Variants in HERC4 observed in about 807,000 individuals in gnomAD.
HERC4 encodes probable E3 ubiquitin-protein ligase HERC4.
Under a neutral mutation model 124.3 loss-of-function variants are expected in HERC4, and 28 were observed. That is an observed-to-expected ratio of 0.23 (90% CI 0.17 to 0.31). The LOEUF (loss-of-function observed/expected upper bound fraction) is 0.31, where lower values mean the gene tolerates loss of function less well. Among genes scored for constraint, HERC4 ranks in the 10% least tolerant of loss-of-function variants. The pLI, the probability that HERC4 is intolerant of heterozygous loss-of-function variation, is 1.00. For synonymous variants in HERC4, 407 were observed against 421.5 expected (o/e 0.97, Z 0.42); for missense variants, 713 against 1,229.3 (o/e 0.58, Z 6.28).
intron 3 of HERC4, among the ~76,000 whole-genome samples, chr10:68,051,478 G>A (rs1403660988): frequency 6.6e-6 from 1 of 150,542 alleles, no homozygotes; most frequent in African/African-American, 2.4e-5. Flanking sequence ...CTGAGTAGCT[G>A]GGACTACAAG....
At position 67,946,130 on chromosome 10, in the gene HERC4, A is replaced by G. The variant is rs1371616771; in HGVS notation, c.2338-5025T>C. Reference sequence around the variant, plus strand: ...TGGCCAGGCATGGTGGCACGTGCCTATAGTCCTAGCTGCTTGGTGGCTGAA... The same window carrying G: ...TGGCCAGGCATGGTGGCACGTGCCTGTAGTCCTAGCTGCTTGGTGGCTGAA... On this transcript the variant is annotated intron_variant, in intron 19 of 24. Transcript: ENST00000373700. Among the ~76,000 whole-genome samples, 4 of 151,662 alleles carry G rather than the reference A, an allele frequency of 2.6e-5. No homozygotes were observed. In the South Asian group the frequency reaches 8.3e-4, roughly 32 times the overall value.
chr10:67,923,059 C>T lies in HERC4; in HGVS notation c.3022G>A (p.Glu1008Lys). 6.2e-7 allele frequency: 1 copy of T among 1,613,722 alleles called. No homozygotes were observed. ...KLVIQSTGGG[E>K]EYLPVSHTCF... Reference sequence around the variant, plus strand: ...GTATGGGAAACTGGGAGATACTCCTCACCACCTCCTGTGGACTGGATGACT... The same window carrying T: ...GTATGGGAAACTGGGAGATACTCCTTACCACCTCCTGTGGACTGGATGACT... The change falls in exon 25 of 25, where the codon GAG (glutamate) becomes AAG (lysine). Residue 1008 changes from glutamate (E) to lysine (K), a missense_variant. Glu to Lys is a moderately conservative substitution (Grantham distance 56). Transcript: ENST00000373700.
intron 7 of HERC4, among the ~76,000 whole-genome samples, chr10:68,025,940 T>C (rs1162968858): frequency 6.6e-6 from 1 of 152,200 alleles, no homozygotes; most frequent in East Asian, 1.9e-4. Flanking sequence ...CCTTTCATTA[T>C]CATTATACTG....
At chr10:67,947,677 T>A (rs979456816) in intron 19 of HERC4, among the ~76,000 whole-genome samples, 1 of 152,118 alleles carries the variant, frequency 6.6e-6, no homozygotes, top group African/African-American at 2.4e-5. Context: ...ACATGGAACA[T>A]CTTCTAGGAT....
In HERC4 at chr10:68,073,019, G is replaced by C. The variant is rs1310649884; in HGVS notation, c.90C>G (p.Phe30Leu). 1 of 1,613,780 alleles carries C rather than the reference G, an allele frequency of 6.2e-7. No homozygotes were observed. Among genetic ancestry groups the C allele is most frequent in the African/African-American group, 1.3e-5 (1 of 74,860 alleles). The part of the protein sequence containing the change: ...EIVLEPRKSD[F>L]FINKRVRDVG... The stretch of plus-strand genomic sequence containing the variant: ...CATCTCGGACCCTTTTATTTATAAA[G>C]AAGTCACTTTTTCTGGGCTCTAGTA... The change falls in exon 3 of 25, where the codon TTC (phenylalanine) becomes TTG (leucine). Residue 30 changes from phenylalanine (F) to leucine (L), a missense_variant. Phe to Leu is a conservative substitution (Grantham distance 22, BLOSUM62 0). Coordinates refer to ENST00000373700, the MANE Select transcript of HERC4 (RefSeq NM_015601.4).
At chr10:67,951,272 C>T (rs2132263952) in intron 19 of HERC4, among the ~76,000 whole-genome samples, 1 of 152,298 alleles carries the variant, frequency 6.6e-6, no homozygotes, top group Non-Finnish European at 1.5e-5. Flanking sequence ...ACAAACTTCC[C>T]TATTTATAAA....
intron 16 of HERC4, among the ~76,000 whole-genome samples, chr10:67,963,076 G>C (rs1413870052): frequency 6.6e-6 from 1 of 152,142 alleles, no homozygotes; most frequent in East Asian, 1.9e-4. Context: ...TATATGCTGA[G>C]GTGGGATTTG....
chr10:67,991,490 A>T (rs1324051149), intron 11 of HERC4, among the ~76,000 whole-genome samples: 1 of 152,186 alleles, frequency 6.6e-6, no homozygotes, highest in Non-Finnish European at 1.5e-5. Context: ...GTGTATGTTC[A>T]TGTAAAAAGT....
intron 15 of HERC4, among the ~76,000 whole-genome samples, chr10:67,984,879 G>A (rs944150461): frequency 5.9e-5 from 9 of 152,030 alleles, no homozygotes; most frequent in African/African-American, 1.4e-4. Context: ...GTGAACCACC[G>A]CACCCGGCCA....
intron 19 of HERC4, 67 bp downstream of exon 19, chr10:67,954,528 T>C: frequency 6.4e-6 from 8 of 1,246,754 alleles, no homozygotes; most frequent in Non-Finnish European, 6.6e-6. Context: ...CTGAATTAAC[T>C]TGATACATAC....
intron 3 of HERC4, among the ~76,000 whole-genome samples, chr10:68,051,837 T>G (rs1455368137): frequency 6.6e-6 from 1 of 151,546 alleles, no homozygotes; most frequent in Non-Finnish European, 1.5e-5. Context: ...TACAGGCTAA[T>G]TTTTTGTATT....
intron 3 of HERC4, among the ~76,000 whole-genome samples, chr10:68,059,459 A>ATAATATTATATATT (rs2040721829): frequency 1.2e-5 from 1 of 83,210 alleles, no homozygotes; most frequent in African/African-American, 5.8e-5. Context: ...TATATATTAT[A>ATAATATTATATATT]ATAATATTAT....
At chr10:67,977,336 G>GA (rs1208443017) in intron 15 of HERC4, among the ~76,000 whole-genome samples, 1 of 152,112 alleles carries the variant, frequency 6.6e-6, no homozygotes, top group Non-Finnish European at 1.5e-5. Flanking sequence ...GCCTCGAAAA[G>GA]AAAGACCCAG....
intron 9 of HERC4, 99 bp downstream of exon 9, chr10:68,013,927 T>C: frequency 9.9e-7 from 1 of 1,014,508 alleles, no homozygotes; most frequent in Non-Finnish European, 1.4e-6. Flanking sequence ...CTTAACAATG[T>C]ATCTTGGAAT....
At chr10:67,924,787 T>C (rs2030688639) in intron 24 of HERC4, among the ~76,000 whole-genome samples, 3 of 152,234 alleles carry the variant, frequency 2.0e-5, no homozygotes, top group Non-Finnish European at 4.4e-5. Flanking sequence ...GAGATCTTTT[T>C]AGAAATCTAA....
At chr10:67,985,180 C>G (rs551581799) in intron 15 of HERC4, among the ~76,000 whole-genome samples, 1 of 152,180 alleles carries the variant, frequency 6.6e-6, no homozygotes, top group South Asian at 2.1e-4. Context: ...CTGCATTTTC[C>G]CTAATCTAGT....
At chr10:68,040,025 A>G (rs1230808691) in intron 4 of HERC4, 24 of 706,696 alleles carry the variant, frequency 3.4e-5, no homozygotes, top group Non-Finnish European at 4.0e-5. Context: ...CTGTGAAGGC[A>G]GACTATGTGT....
chr10:68,006,663 C>A (rs1167686239), intron 9 of HERC4, among the ~76,000 whole-genome samples: 5 of 152,146 alleles, frequency 3.3e-5, no homozygotes, highest in Non-Finnish European at 7.4e-5. Context: ...TAAGCATGAG[C>A]CACCACGCCC....
intron 3 of HERC4, among the ~76,000 whole-genome samples, chr10:68,048,772 A>T (rs1465595246): frequency 6.6e-6 from 1 of 152,158 alleles, no homozygotes; most frequent in Non-Finnish European, 1.5e-5. Flanking sequence ...AGTAGAAGGG[A>T]ACTCTTTATT....
Sources: allele counts gnomAD v4.1 joint callset (sites outside exome capture counted in the v4.1 genomes callset), GRCh38; gene constraint gnomAD v4.1.1; transcripts MANE v1.5; gene names NCBI Gene and HGNC (gene_info 2026-07-23, HGNC 2026-07-21).